The following PLD5 variants were observed in gnomAD, a reference collection of about 807,000 sequenced individuals.
PLD5 encodes inactive phospholipase D5.
In PLD5, 36 loss-of-function variants were observed where a neutral mutation model predicts 61.1. The observed-to-expected ratio is 0.59, with a 90% CI of 0.45 to 0.78. The LOEUF is 0.78. Ranked by LOEUF, PLD5 falls within the 30% of genes least tolerant of loss-of-function variation. The pLI, the probability that PLD5 is intolerant of heterozygous loss-of-function variation, is 0.00. For synonymous variants in PLD5, 243 were observed against 242.8 expected, an observed-to-expected ratio of 1.00 and a Z score of -0.01; for missense variants, 515 against 644.4, an observed-to-expected ratio of 0.80 and a Z score of 2.17.
intron 6 of PLD5, among the ~76,000 whole-genome samples, chr1:242,116,752 G>A (rs1056996601): frequency 2.0e-5 from 3 of 152,068 alleles, no homozygotes; most frequent in Non-Finnish European, 2.9e-5. Context: ...TTTTATTCTC[G>A]TTTATGGTTG....
intron 1 of PLD5, among the ~76,000 whole-genome samples, chr1:242,521,871 T>TA (rs1453251995): frequency 2.6e-5 from 4 of 152,298 alleles, no homozygotes; most frequent in Admixed American, 2.6e-4. Flanking sequence ...TTTTGACATC[T>TA]CAAACATTAA....
intron 7 of PLD5, among the ~76,000 whole-genome samples, chr1:242,113,654 G>A (rs900865610): frequency 6.6e-6 from 1 of 152,148 alleles, no homozygotes; most frequent in Non-Finnish European, 1.5e-5. Context: ...TTTCCATAAT[G>A]TAAACTACTG....
chr1:242,297,000 A>G (rs1675695138), intron 2 of PLD5, among the ~76,000 whole-genome samples: 1 of 152,082 alleles, frequency 6.6e-6, no homozygotes, highest in South Asian at 2.1e-4. Context: ...GGCACACACT[A>G]CTCTGCTCTG....
At chr1:242,275,438 G>GAT (rs1181760787) in intron 3 of PLD5, among the ~76,000 whole-genome samples, 1 of 152,072 alleles carries the variant, frequency 6.6e-6, no homozygotes, top group Non-Finnish European at 1.5e-5. Flanking sequence ...GTTTGCCACA[G>GAT]ATATAAGTAT....
intron 4 of PLD5, among the ~76,000 whole-genome samples, chr1:242,237,327 A>C (rs1386058777): frequency 6.6e-6 from 1 of 151,770 alleles, no homozygotes; most frequent in Non-Finnish European, 1.5e-5. Flanking sequence ...GAAAAAAAAA[A>C]CACTTTGTGC....
At chr1:242,296,250 T>G (rs1179252947) in intron 2 of PLD5, among the ~76,000 whole-genome samples, 1 of 152,260 alleles carries the variant, frequency 6.6e-6, no homozygotes, top group Non-Finnish European at 1.5e-5. Flanking sequence ...CTTGTTGGTT[T>G]AAGTTCCTTA....
intron 1 of PLD5, among the ~76,000 whole-genome samples, chr1:242,443,191 T>C (rs1233897978): frequency 6.6e-6 from 1 of 152,194 alleles, no homozygotes; most frequent in African/African-American, 2.4e-5. Flanking sequence ...ATTTTATCTA[T>C]CTCTTAAGAC....
chr1:242,506,157 C>T (rs1234045073), intron 1 of PLD5, among the ~76,000 whole-genome samples: 1 of 152,124 alleles, frequency 6.6e-6, no homozygotes, highest in Non-Finnish European at 1.5e-5. Context: ...AGGTTCAACG[C>T]TTCCTTTGGC....
intron 3 of PLD5, among the ~76,000 whole-genome samples, chr1:242,285,474 G>A (rs2653194): frequency 6.6e-6 from 1 of 152,206 alleles, no homozygotes; most frequent in African/African-American, 2.4e-5. Flanking sequence ...CTTTAGCCTC[G>A]GCAACAGAGC....
Position 242,394,262 on chromosome 1 carries a change from GTATGAGTA to G in PLD5, c.190-46028_190-46021del, listed in dbSNP as rs1301125449. ...AGTATATATATGTGTATATATATGA[GTATGAGTA>G]TATATATGTGTATATATATGAGTAT... On this transcript the variant is annotated intron_variant, in intron 1 of 9. Transcript: ENST00000536534. Among the ~76,000 whole-genome samples, 208 of 81,118 alleles carry G rather than the reference GTATGAGTA, an allele frequency of 2.6e-3. 33 individuals are homozygous for G. Among genetic ancestry groups the G allele is most frequent in the Non-Finnish European group, 2.5e-3 (114 of 45,812 alleles). The allele number at this position is 81,118 out of a possible 152,430, so 53.2% of individuals were successfully genotyped here.
intron 2 of PLD5, among the ~76,000 whole-genome samples, chr1:242,322,184 G>C (rs192548967): frequency 6.6e-6 from 1 of 152,138 alleles, no homozygotes; most frequent in African/African-American, 2.4e-5. Flanking sequence ...CGTTGACTCC[G>C]CACCAGGCAC....
chr1:242,251,373 CAG>C (rs1672691339), intron 4 of PLD5, among the ~76,000 whole-genome samples: 1 of 152,076 alleles, frequency 6.6e-6, no homozygotes, highest in Non-Finnish European at 1.5e-5. Flanking sequence ...TGGCCAGAGA[CAG>C]AAGGGAAATA....
chr1:242,145,954 G>A (rs1034530193), intron 5 of PLD5, among the ~76,000 whole-genome samples: 1 of 152,206 alleles, frequency 6.6e-6, no homozygotes, highest in Non-Finnish European at 1.5e-5. Flanking sequence ...GGGATTACAG[G>A]CGTGAGCCAC....
intron 1 of PLD5, among the ~76,000 whole-genome samples, chr1:242,501,763 C>G (rs1448000199): frequency 1.4e-5 from 2 of 143,496 alleles, no homozygotes; most frequent in Non-Finnish European, 3.0e-5. Flanking sequence ...TTTGTTCAAT[C>G]TAAAATTAAG....
chr1:242,126,001 C>T (rs1662756089), intron 5 of PLD5, among the ~76,000 whole-genome samples: 1 of 152,114 alleles, frequency 6.6e-6, no homozygotes, highest in Non-Finnish European at 1.5e-5. Flanking sequence ...CTTTGTGCGC[C>T]TTTAATATAG....
intron 3 of PLD5, among the ~76,000 whole-genome samples, chr1:242,284,423 G>T (rs148514679): frequency 1.3e-5 from 2 of 151,960 alleles, no homozygotes; most frequent in South Asian, 4.2e-4. Context: ...AGGCCACCAC[G>T]CCCAACTCTC....
chr1:242,397,778 C>A (rs993353492), intron 1 of PLD5, among the ~76,000 whole-genome samples: 1 of 143,228 alleles, frequency 7.0e-6, no homozygotes, highest in African/African-American at 2.8e-5. Context: ...TTTTCTTCTT[C>A]TTCTTCTTTT....
At chr1:242,486,700 C>G (rs1489268043) in intron 1 of PLD5, among the ~76,000 whole-genome samples, 1 of 152,120 alleles carries the variant, frequency 6.6e-6, no homozygotes, top group Non-Finnish European at 1.5e-5. Flanking sequence ...ACCCAGCCAT[C>G]CCATTACTGG....
chr1:242,238,328 C>G lies in PLD5; in HGVS notation c.608-18213G>C, dbSNP rs540372102. On this transcript the variant is annotated intron_variant, in intron 4 of 9. Transcript: ENST00000536534. ...CGGGATCTGTGGCATGAAACACCTG[C>G]TACCCTCTTCCTGCACTTCATGGAT... is the stretch of plus-strand genomic sequence containing the variant. 4.9e-4 allele frequency among the ~76,000 whole-genome samples: 74 copies of G among 152,276 alleles called. No homozygotes were observed. The South Asian group carries it at 0.014, about 29-fold the overall frequency.
Sources: gnomAD v4.1 joint callset for allele counts (sites outside exome capture counted in the v4.1 genomes callset) on GRCh38, gnomAD v4.1.1 for gene constraint, MANE v1.5 for transcripts, NCBI Gene and HGNC (gene_info 2026-07-23, HGNC 2026-07-21) for gene names.